Variants in ITIH5 observed in about 807,000 individuals in gnomAD.
ITIH5 encodes the protein inter-alpha-trypsin inhibitor heavy chain H5.
ITIH5 carries 65 observed loss-of-function variants against 77.5 expected under a neutral mutation model. The ratio of observed to expected loss-of-function variants is 0.84; its 90% CI spans 0.69 to 1.03. The LOEUF (loss-of-function observed/expected upper bound fraction) is 1.03, where lower values mean the gene tolerates loss of function less well. ITIH5 is among the 50% of genes least tolerant of loss of function. ITIH5 has a pLI of 0.00. For missense variants in ITIH5, 1,208 were observed against 1,213.1 expected, an observed-to-expected ratio of 1.00 and a Z score of 0.06; for synonymous variants, 525 against 494.3, an observed-to-expected ratio of 1.06 and a Z score of -0.82.
Position 7,563,278 on chromosome 10 carries a change from G to A in ITIH5, c.2634C>T (p.Val878=). 6.2e-7 allele frequency: 1 copy of A among 1,614,158 alleles called. No homozygotes were observed. The highest frequency in any genetic ancestry group is 8.5e-7 in the Non-Finnish European group (1 of 1,180,026). ...LLQVGEGPEA[V]LTVKGHQVPV... ...GGACTTGGTGGCCTTTCACTGTTAG[G>A]ACGGCCTCAGGCCCCTCTCCCACCT... The change falls in exon 14 of 14, where the codon GTC becomes GTT. Residue 878 remains valine (V), a synonymous_variant. Transcript: ENST00000397146.
rs1179322913 is a variant in ITIH5, at chr10:7,576,889, A to T, written c.1542T>A (p.Ile514=). The T allele has an allele frequency of 1.2e-6, 2 of 1,613,996 alleles. No individual in the cohort carries two copies. Among genetic ancestry groups the T allele is most frequent in the South Asian group, 2.2e-5 (2 of 91,040 alleles). Residue 514 remains isoleucine, a synonymous_variant, in exon 10 of 14, where the codon ATT becomes ATA. Transcript: ENST00000397146. ...PNYFNGSEII[I]AGKLVDRKLD... is the part of the protein sequence containing the mutation. ...GCTTCCTGTCCACCAGCTTCCCCGCAATGATGATCTCCGAGCCGTTGAAGT... is the reference window on the plus strand; with the variant it reads ...GCTTCCTGTCCACCAGCTTCCCCGCTATGATGATCTCCGAGCCGTTGAAGT...
chr10:7,585,490 T>C (rs1437925046), intron 8 of ITIH5, among the ~76,000 whole-genome samples: 1 of 152,180 alleles, frequency 6.6e-6, no homozygotes, highest in Non-Finnish European at 1.5e-5. Flanking sequence ...GAGGGCTCCT[T>C]GTTTTGCAAA....
At chr10:7,653,120 G>C (rs552327076) in intron 2 of ITIH5, among the ~76,000 whole-genome samples, 1 of 152,218 alleles carries the variant, frequency 6.6e-6, no homozygotes. Context: ...TGGCAGAAAT[G>C]TGTGTATTCA....
At chr10:7,626,516 C>T (rs968593220) in intron 5 of ITIH5, among the ~76,000 whole-genome samples, 7 of 152,290 alleles carry the variant, frequency 4.6e-5, no homozygotes, top group South Asian at 4.2e-4. Context: ...ACAGAGATTT[C>T]GCAGAGGCCA....
chr10:7,640,754 C>T lies in ITIH5; in HGVS notation c.401G>A (p.Gly134Glu), dbSNP rs1214567502. ...EKRNKTTEEN[G>E]EKGTEIFRAS... is the part of the protein sequence containing the mutation. Reference sequence around the variant, plus strand: ...AATTCCTTAATTAACCAATACTTACCCATTTTCTTCTGTGGTTTTATTCCT... The same window carrying T: ...AATTCCTTAATTAACCAATACTTACTCATTTTCTTCTGTGGTTTTATTCCT... The change falls in exon 4 of 14, where the codon GGA becomes GAA. Residue 134 changes from glycine (G) to glutamate (E), a missense_variant and splice_region_variant. Gly to Glu is a moderately conservative substitution (Grantham distance 98, BLOSUM62 -2). Transcript: ENST00000397146. 1 of 1,595,926 alleles carries T rather than the reference C, an allele frequency of 6.3e-7. No homozygotes were observed. Among genetic ancestry groups the T allele is most frequent in the South Asian group, 1.1e-5 (1 of 90,476 alleles).
At position 7,666,696 on chromosome 10, in the gene ITIH5, G is replaced by C. The variant is rs1419995449; in HGVS notation, c.90+107C>G. Reference sequence around the variant, plus strand: ...GAGGGACCCCTGGGCCTCTGGTGGGGGCCTGGGAGACGGTCGAAGGGGGCC... The same window carrying C: ...GAGGGACCCCTGGGCCTCTGGTGGGCGCCTGGGAGACGGTCGAAGGGGGCC... On this transcript the variant is annotated intron_variant, in intron 1 of 13. Coordinates refer to ENST00000397146, the MANE Select transcript of ITIH5 (RefSeq NM_030569.7). 9 of 809,096 alleles carry C rather than the reference G, an allele frequency of 1.1e-5. No homozygotes were observed. In the Admixed American group the frequency reaches 2.3e-4, roughly 21 times the overall value. The allele number at this position is 809,096 out of a possible 1,614,324, so 50.1% of individuals were successfully genotyped here.
In ITIH5 at chr10:7,562,781, G is replaced by T. The variant is rs987734299; in HGVS notation, c.*302C>A. 1.6e-5 allele frequency: 6 copies of T among 376,614 alleles called. No homozygotes were observed. Among genetic ancestry groups the T allele is most frequent in the African/African-American group, 1.0e-4 (5 of 49,720 alleles). 23.3% of individuals were successfully genotyped at this position (376,614 alleles called of 1,614,324 possible). On this transcript the variant is annotated 3_prime_UTR_variant, in exon 14 of 14. Coordinates refer to ENST00000397146, the MANE Select transcript of ITIH5 (RefSeq NM_030569.7). ...CTAACAGAACAGAAAAGCAGGTTGG[G>T]ACAAGATACAGACTTTGTTGCATTT...
chr10:7,571,812 C>G (rs758714187), intron 11 of ITIH5: 1 of 212,632 alleles, frequency 4.7e-6, no homozygotes, highest in East Asian at 1.8e-4. Context: ...GTTTAAGGAA[C>G]AAAGACAAGA....
At position 7,579,261 on chromosome 10, in the gene ITIH5, C is replaced by T. The variant is rs1832487900; in HGVS notation, c.1418+494G>A. Among the ~76,000 whole-genome samples the T allele has an allele frequency of 3.3e-5, 5 of 152,224 alleles. No homozygotes were observed. The South Asian group carries it at 8.3e-4, about 25-fold the overall frequency. ...TTGCTTAGGGCCGGGTGTGGTGGCTCACGCCCATAATCCCAGTACTTTGGG... is the reference window on the plus strand; with the variant it reads ...TTGCTTAGGGCCGGGTGTGGTGGCTTACGCCCATAATCCCAGTACTTTGGG... On this transcript the variant is annotated intron_variant, in intron 9 of 13. Coordinates refer to ENST00000397146, the MANE Select transcript of ITIH5 (RefSeq NM_030569.7).
At chr10:7,589,112 G>C (rs1832741277) in intron 7 of ITIH5, among the ~76,000 whole-genome samples, 1 of 152,174 alleles carries the variant, frequency 6.6e-6, no homozygotes, top group Non-Finnish European at 1.5e-5. Flanking sequence ...TGTTTCTTTT[G>C]CTTCATTTCT....
chr10:7,612,765 G>A (rs1460219149), intron 7 of ITIH5, among the ~76,000 whole-genome samples: 1 of 151,652 alleles, frequency 6.6e-6, no homozygotes, highest in Admixed American at 6.6e-5. Flanking sequence ...TACCCTCTCA[G>A]TAACTGTTAA....
intron 7 of ITIH5, among the ~76,000 whole-genome samples, chr10:7,599,053 C>G (rs76418572): frequency 6.6e-6 from 1 of 152,136 alleles, no homozygotes; most frequent in Admixed American, 6.5e-5. Context: ...TGTCATTGTA[C>G]GTTTTTCTGA....
intron 10 of ITIH5, among the ~76,000 whole-genome samples, chr10:7,575,740 A>C (rs1832397975): frequency 6.6e-6 from 1 of 152,142 alleles, no homozygotes; most frequent in African/African-American, 2.4e-5. Flanking sequence ...AATCAAGCAC[A>C]CAATTAAATT....
At chr10:7,600,489 A>T (rs1832992318) in intron 7 of ITIH5, 6 of 456,060 alleles carry the variant, frequency 1.3e-5, no homozygotes, top group Admixed American at 2.3e-5. Flanking sequence ...GCCCACCAGA[A>T]ATGAGCCCGG....
chr10:7,586,934 G>A (rs866704147), intron 7 of ITIH5, among the ~76,000 whole-genome samples: 52 of 152,072 alleles, frequency 3.4e-4, no homozygotes, highest in African/African-American at 1.2e-3. Context: ...AGGTTCAAGC[G>A]ATTCTCCTGC....
At chr10:7,579,639 C>T (rs919481852) in intron 9 of ITIH5, 116 bp downstream of exon 9, 29 of 1,004,862 alleles carry the variant, frequency 2.9e-5, no homozygotes, top group African/African-American at 7.9e-5. Flanking sequence ...GAGCTATGAT[C>T]GTTGTCAGCA....
intron 5 of ITIH5, among the ~76,000 whole-genome samples, chr10:7,634,792 C>T (rs777483722): frequency 2.6e-5 from 4 of 152,176 alleles, no homozygotes; most frequent in Non-Finnish European, 4.4e-5. Context: ...TCATCCCAGA[C>T]ACACTTCACA....
chr10:7,597,063 A>AAAAAAAAAAAAAAAAAAAT (rs750714870), intron 7 of ITIH5, among the ~76,000 whole-genome samples: 81 of 142,712 alleles, frequency 5.7e-4, no homozygotes, highest in Non-Finnish European at 9.3e-4. Context: ...AAAAAAAAAA[A>AAAAAAAAAAAAAAAAAAAT]ATTCCACCAA....
At chr10:7,624,816 C>CACAT (rs1554755325) in intron 5 of ITIH5, among the ~76,000 whole-genome samples, 222 of 36,592 alleles carry the variant, frequency 6.1e-3, no homozygotes, top group Middle Eastern at 0.056. Flanking sequence ...TATATATACA[C>CACAT]ATATATATGT....
Sources: gnomAD v4.1 joint callset for allele counts (sites outside exome capture counted in the v4.1 genomes callset) on GRCh38, gnomAD v4.1.1 for gene constraint, MANE v1.5 for transcripts, NCBI Gene and HGNC (gene_info 2026-07-23, HGNC 2026-07-21) for gene names.